IGSF11: variants seen among roughly 807,000 people sequenced by gnomAD.
The protein encoded by IGSF11 is CXADR like 1.
In IGSF11, 22 loss-of-function variants were observed where a neutral mutation model predicts 41.0. That is an observed-to-expected ratio of 0.54 (90% CI 0.38 to 0.77). IGSF11 has a LOEUF of 0.77. Ranked by LOEUF, IGSF11 falls within the 30% of genes least tolerant of loss-of-function variation. The pLI, the probability that IGSF11 is intolerant of heterozygous loss-of-function variation, is 0.00. For missense variants in IGSF11, 444 were observed against 530.8 expected (o/e 0.84, Z 1.61); for synonymous variants, 219 against 201.3 (o/e 1.09, Z -0.74).
chr3:119,086,199 T>TA (rs547687513), intron 1 of IGSF11, among the ~76,000 whole-genome samples: 10 of 152,296 alleles, frequency 6.6e-5, no homozygotes, highest in African/African-American at 2.4e-4. Flanking sequence ...TAAAGAACTT[T>TA]AAAAACATGA....
intron 1 of IGSF11, among the ~76,000 whole-genome samples, chr3:119,055,012 CG>C (rs1941769547): frequency 6.6e-6 from 1 of 152,166 alleles, no homozygotes; most frequent in African/African-American, 2.4e-5. Flanking sequence ...GCAGCATTGG[CG>C]GTTCACCAAT....
chr3:119,128,140 C>T lies in IGSF11; in HGVS notation c.-14+17673G>A, dbSNP rs114464370. 1.9e-3 allele frequency among the ~76,000 whole-genome samples: 282 copies of T among 152,292 alleles called. 2 individuals are homozygous for T. Among genetic ancestry groups the T allele is most frequent in the African/African-American group, 6.1e-3 (254 of 41,572 alleles). On this transcript the variant is annotated intron_variant, in intron 1 of 7. Coordinates refer to the IGSF11 transcript ENST00000425327. ...TTGGGAGGCCAAGGCAGGTGAATTA[C>T]CTGCAGTCAGGAGTTTGAGACCAAC...
At chr3:119,050,881 T>C (rs1034391256) in intron 1 of IGSF11, among the ~76,000 whole-genome samples, 49 of 150,796 alleles carry the variant, frequency 3.2e-4, no homozygotes, top group African/African-American at 1.1e-3. Flanking sequence ...TCATTCTCAG[T>C]AAACTATCGC....
At chr3:119,060,622 G>C (rs915765405) in intron 1 of IGSF11, among the ~76,000 whole-genome samples, 7 of 152,114 alleles carry the variant, frequency 4.6e-5, no homozygotes, top group African/African-American at 1.7e-4. Flanking sequence ...AAAGAAAACT[G>C]AGATTCAAAG....
intron 1 of IGSF11, among the ~76,000 whole-genome samples, chr3:119,054,433 G>C (rs1173098545): frequency 6.6e-6 from 1 of 152,130 alleles, no homozygotes; most frequent in Non-Finnish European, 1.5e-5. Context: ...TGTGAAAAAT[G>C]CTCAACATCA....
chr3:119,106,908 G>A (rs2077039777), upstream of IGSF11, among the ~76,000 whole-genome samples: 1 of 152,134 alleles, frequency 6.6e-6, no homozygotes, highest in African/African-American at 2.4e-5. Flanking sequence ...CCCTACAAAG[G>A]ACATGAACTC....
At chr3:118,933,465 AT>A (rs374086198) in intron 1 of IGSF11, among the ~76,000 whole-genome samples, 1,423 of 98,022 alleles carry the variant, frequency 0.015, 30 homozygotes, top group African/African-American at 0.073. Context: ...TATAACATGT[AT>A]TTTTTATATA....
chr3:118,927,772 G>A (rs1028804345), intron 3 of IGSF11, among the ~76,000 whole-genome samples: 1 of 152,052 alleles, frequency 6.6e-6, no homozygotes, highest in African/African-American at 2.4e-5. Flanking sequence ...TCTACCACAA[G>A]TATTCATTTA....
At chr3:118,981,459 A>G (rs1449447843) in intron 1 of IGSF11, among the ~76,000 whole-genome samples, 1 of 152,132 alleles carries the variant, frequency 6.6e-6, no homozygotes, top group Non-Finnish European at 1.5e-5. Flanking sequence ...CACTGTGCTC[A>G]GCTTTTGGCA....
At chr3:119,095,621 AAGT>A (rs1452113640) in intron 1 of IGSF11, among the ~76,000 whole-genome samples, 1 of 152,152 alleles carries the variant, frequency 6.6e-6, no homozygotes, top group African/African-American at 2.4e-5. Flanking sequence ...CTTACAGCAA[AAGT>A]AGTAGCCAAA....
At chr3:119,113,707 C>T (rs2077217014) in intron 1 of IGSF11, among the ~76,000 whole-genome samples, 1 of 152,162 alleles carries the variant, frequency 6.6e-6, no homozygotes, top group Non-Finnish European at 1.5e-5. Context: ...GGATGGTGAC[C>T]CTCTTCTCAC....
intron 1 of IGSF11, among the ~76,000 whole-genome samples, chr3:118,958,092 GA>G (rs1945089334): frequency 6.6e-6 from 1 of 152,182 alleles, no homozygotes; most frequent in African/African-American, 2.4e-5. Flanking sequence ...GCCTATTCTA[GA>G]ATCACTTGAA....
chr3:118,926,290 T>G, intron 3 of IGSF11, 34 bp from the exon 4 acceptor site: 3 of 1,509,796 alleles, frequency 2.0e-6, no homozygotes, highest in Non-Finnish European at 2.7e-6. Context: ...AAAGTACACA[T>G]TTTACTGTGA....
intron 1 of IGSF11, among the ~76,000 whole-genome samples, chr3:119,028,769 T>C (rs1039059354): frequency 6.6e-6 from 1 of 152,052 alleles, no homozygotes; most frequent in African/African-American, 2.4e-5. Flanking sequence ...GGTGTAAAGA[T>C]TAGTTGAAGC....
chr3:118,905,816 G>T, intron 4 of IGSF11, 98 bp from the exon 5 acceptor site: 1 of 1,352,312 alleles, frequency 7.4e-7, no homozygotes, highest in Non-Finnish European at 1.0e-6. Flanking sequence ...ACACTGGAGA[G>T]CTATCAATAA....
At chr3:118,992,592 C>A (rs554461692) in intron 1 of IGSF11, among the ~76,000 whole-genome samples, 1 of 152,310 alleles carries the variant, frequency 6.6e-6, no homozygotes, top group East Asian at 1.9e-4. Context: ...TATGGCCTAT[C>A]TGACTTATGG....
chr3:119,025,011 T>TA (rs1309245154), intron 1 of IGSF11, among the ~76,000 whole-genome samples: 1 of 152,206 alleles, frequency 6.6e-6, no homozygotes, highest in Non-Finnish European at 1.5e-5. Context: ...CAATCAATTT[T>TA]AAAATAAATT....
chr3:118,913,318 T>C (rs1940591489), intron 4 of IGSF11, among the ~76,000 whole-genome samples: 1 of 152,056 alleles, frequency 6.6e-6, no homozygotes, highest in Non-Finnish European at 1.5e-5. Flanking sequence ...ATCTCTCAAT[T>C]TAAGAAGCAC....
chr3:119,108,775 T>C (rs1311857867), upstream of IGSF11, among the ~76,000 whole-genome samples: 1 of 145,492 alleles, frequency 6.9e-6, no homozygotes, highest in Non-Finnish European at 1.5e-5. Context: ...CAATACCTAA[T>C]TTATTGAGAG....
Sources: allele counts gnomAD v4.1 joint callset (sites outside exome capture counted in the v4.1 genomes callset), GRCh38; gene constraint gnomAD v4.1.1; transcripts MANE v1.5; gene names NCBI Gene and HGNC (gene_info 2026-07-23, HGNC 2026-07-21).